Variants in RNF145 observed in about 807,000 individuals in gnomAD.
RNF145 encodes the protein ring finger protein 145.
RNF145 carries 12 observed loss-of-function variants against 57.3 expected under a neutral mutation model. That is an observed-to-expected ratio of 0.21 (90% CI 0.13 to 0.34). The LOEUF is 0.34. RNF145 is among the 10% of genes least tolerant of loss of function. The pLI is 1.00. For synonymous variants in RNF145, 262 were observed against 288.3 expected (o/e 0.91, Z 0.92); for missense variants, 429 against 799.0 (o/e 0.54, Z 5.58).
At chr5:159,194,475 A>G (rs1195388761) in intron 3 of RNF145, among the ~76,000 whole-genome samples, 1 of 152,190 alleles carries the variant, frequency 6.6e-6, no homozygotes, top group African/African-American at 2.4e-5. Context: ...CAGTTCAAGG[A>G]TATCTTTATA....
chr5:159,197,897 C>T (rs1213760946), intron 2 of RNF145, among the ~76,000 whole-genome samples: 1 of 152,094 alleles, frequency 6.6e-6, no homozygotes, highest in Non-Finnish European at 1.5e-5. Context: ...TTCAAGGTTA[C>T]AGTGAGGTTA....
intron 6 of RNF145, among the ~76,000 whole-genome samples, chr5:159,172,462 G>A (rs935262456): frequency 4.6e-5 from 7 of 151,698 alleles, no homozygotes; most frequent in East Asian, 1.9e-4. Flanking sequence ...GCTGGGCGAC[G>A]GAGCCAGATT....
At chr5:159,208,233 G>C in intron 1 of RNF145, 1 of 1,097,586 alleles carries the variant, frequency 9.1e-7, no homozygotes, top group Non-Finnish European at 1.2e-6. Flanking sequence ...CCGGGCCGCC[G>C]CCGCCGCGGG....
chr5:159,169,057 T>C lies in RNF145; in HGVS notation c.939-2A>G. On this transcript the variant is annotated splice_acceptor_variant, in intron 7 of 10. Coordinates refer to ENST00000424310, the MANE Select transcript of RNF145 (RefSeq NM_001199383.2). LOFTEE classifies it high-confidence loss of function. The stretch of plus-strand genomic sequence containing the variant: ...AGCGTTACTCCTTCTGTCATGCCCC[T>C]AAAAAAAGCATACATTTTCAGAAAA... The C allele has an allele frequency of 6.5e-7, 1 of 1,537,270 alleles. No individual in the cohort carries two copies. The highest frequency in any genetic ancestry group is 2.4e-5 in the Admixed American group (1 of 42,270).
At position 159,194,840 on chromosome 5, in the gene RNF145, A is replaced by C; in HGVS notation, c.185-16T>G. The C allele has an allele frequency of 6.7e-7, 1 of 1,491,134 alleles. No individual in the cohort carries two copies. Among genetic ancestry groups the C allele is most frequent in the Non-Finnish European group, 9.2e-7 (1 of 1,087,438 alleles). 92.4% of individuals were successfully genotyped at this position (1,491,134 alleles called of 1,614,324 possible). A position where few individuals can be genotyped will look rare whatever the true frequency, so the allele number is the denominator to read the frequency against. On this transcript the variant is annotated splice_polypyrimidine_tract_variant and intron_variant, in intron 2 of 10. Transcript: ENST00000424310. Reference sequence around the variant, plus strand: ...AAGATATAACCTGTACCAGAAAGATAAATAAAATACAATTTTAATTTAGTT... The same window carrying C: ...AAGATATAACCTGTACCAGAAAGATCAATAAAATACAATTTTAATTTAGTT...
chr5:159,207,778 C>T, intron 1 of RNF145: 3 of 1,614,162 alleles, frequency 1.9e-6, no homozygotes, highest in Non-Finnish European at 2.5e-6. Flanking sequence ...AAACTACTAG[C>T]AATTCTGTGG....
rs1584718604 is a variant in RNF145 at position 159,207,945 on chromosome 5, T to A, written c.-40+1286A>T. 5.0e-6 allele frequency: 8 copies of A among 1,605,040 alleles called. No individual in the cohort carries two copies. In the East Asian group the frequency reaches 1.8e-4, roughly 36 times the overall value. ...CTGCAGCACCGACAGCTCATTCTTT[T>A]GGGCATGATTCAAGATTCAGTAAAA... On this transcript the variant is annotated intron_variant, in intron 1 of 10. Transcript: ENST00000424310.
At chr5:159,198,572 T>C (rs916199731) in intron 2 of RNF145, among the ~76,000 whole-genome samples, 1 of 152,100 alleles carries the variant, frequency 6.6e-6, no homozygotes, top group African/African-American at 2.4e-5. Flanking sequence ...TGTTTCTAGC[T>C]TGGGTAATCA....
At chr5:159,188,393 CAAA>C (rs1239278079) in intron 3 of RNF145, among the ~76,000 whole-genome samples, 1 of 118,556 alleles carries the variant, frequency 8.4e-6, no homozygotes. Context: ...GACTCTGTCT[CAAA>C]AAAAAAAAAA....
chr5:159,192,895 G>A (rs535416857), intron 3 of RNF145, among the ~76,000 whole-genome samples: 1 of 152,348 alleles, frequency 6.6e-6, no homozygotes, highest in African/African-American at 2.4e-5. Flanking sequence ...ATACCCTAAT[G>A]ACTGCATTAC....
chr5:159,173,096 A>G (rs1784607440), intron 6 of RNF145, among the ~76,000 whole-genome samples: 1 of 152,180 alleles, frequency 6.6e-6, no homozygotes, highest in Non-Finnish European at 1.5e-5. Context: ...ACAAAACAAA[A>G]CAAAAACCCC....
At chr5:159,185,923 C>A (rs914747095) in intron 3 of RNF145, among the ~76,000 whole-genome samples, 10 of 152,118 alleles carry the variant, frequency 6.6e-5, no homozygotes, top group African/African-American at 2.4e-4. Context: ...AAGGAATGTA[C>A]AAGATCTATG....
chr5:159,181,826 G>C, intron 4 of RNF145, 134 bp downstream of exon 4: 1 of 564,552 alleles, frequency 1.8e-6, no homozygotes, highest in Non-Finnish European at 3.2e-6. Flanking sequence ...CCAAACAATG[G>C]GTATATGTGG....
rs140868474 is a variant in RNF145 at position 159,184,574 on chromosome 5, G to A, written c.294-2523C>T. Among the ~76,000 whole-genome samples the A allele has an allele frequency of 6.1e-3, 931 of 152,148 alleles. 9 individuals carry two copies. The highest frequency in any genetic ancestry group is 0.01 in the Middle Eastern group (3 of 294). ...TGAGGATTTTAACGTCTTTTTTATTGATACATAAAAAGATTTTAAATTCAC... is the reference window on the plus strand; with the variant it reads ...TGAGGATTTTAACGTCTTTTTTATTAATACATAAAAAGATTTTAAATTCAC... On this transcript the variant is annotated intron_variant, in intron 3 of 10. Coordinates refer to ENST00000424310, the MANE Select transcript of RNF145 (RefSeq NM_001199383.2).
intron 8 of RNF145, 100 bp from the exon 9 acceptor site, chr5:159,163,179 CA>C (rs1450588557): frequency 1.8e-6 from 2 of 1,092,406 alleles, no homozygotes; most frequent in Admixed American, 4.7e-5. Flanking sequence ...TCAAATTTCA[CA>C]AATTCCCACT....
chr5:159,160,592 C>T (rs999655456), intron 10 of RNF145, among the ~76,000 whole-genome samples: 7 of 152,196 alleles, frequency 4.6e-5, no homozygotes, highest in Non-Finnish European at 1.0e-4. Context: ...GCCTCTTGCA[C>T]AGGTGATTGA....
chr5:159,199,547 T>C (rs1042218154), intron 2 of RNF145, among the ~76,000 whole-genome samples: 3 of 152,162 alleles, frequency 2.0e-5, no homozygotes, highest in African/African-American at 7.2e-5. Flanking sequence ...TTCGCATCCA[T>C]TTCTTCCTTT....
At chr5:159,165,940 G>C (rs1463465079) in intron 8 of RNF145, among the ~76,000 whole-genome samples, 2 of 152,086 alleles carry the variant, frequency 1.3e-5, no homozygotes, top group Non-Finnish European at 2.9e-5. Flanking sequence ...TCTTCTACAT[G>C]TCTCCTACTG....
chr5:159,205,103 C>T (rs1476291418), intron 1 of RNF145, among the ~76,000 whole-genome samples: 2 of 152,086 alleles, frequency 1.3e-5, no homozygotes, highest in Admixed American at 6.6e-5. Context: ...CTAAAGGCAA[C>T]CCAACTTGGC....
Sources: allele counts gnomAD v4.1 joint callset (sites outside exome capture counted in the v4.1 genomes callset), GRCh38; gene constraint gnomAD v4.1.1; transcripts MANE v1.5; gene names NCBI Gene and HGNC (gene_info 2026-07-23, HGNC 2026-07-21).